The following FLNB variants were observed in gnomAD, a reference collection of about 807,000 sequenced individuals.
FLNB encodes the protein filamin-B.
A neutral mutation model predicts 250.6 loss-of-function variants in FLNB; 111 were observed. The observed-to-expected ratio is 0.44, with a 90% CI of 0.38 to 0.52. The LOEUF is 0.52. Ranked by LOEUF, FLNB falls within the 20% of genes least tolerant of loss-of-function variation. The pLI, the probability that FLNB is intolerant of heterozygous loss-of-function variation, is 0.00. For missense variants in FLNB, 2,869 were observed against 3,447.8 expected (o/e 0.83, Z 4.20); for synonymous variants, 1,302 against 1,372.1 (o/e 0.95, Z 1.13).
chr3:58,049,631 G>A (rs553071688), intron 1 of FLNB, among the ~76,000 whole-genome samples: 52 of 152,320 alleles, frequency 3.4e-4, no homozygotes, highest in African/African-American at 1.3e-3. Flanking sequence ...GGAGCCTCTT[G>A]CCTGTGTGCA....
intron 1 of FLNB, among the ~76,000 whole-genome samples, chr3:58,011,258 A>G (rs898958472): frequency 6.6e-5 from 10 of 151,942 alleles, no homozygotes; most frequent in African/African-American, 2.4e-4. Context: ...AGCTACTCCC[A>G]TTGTCCCGAC....
rs1350732375 is a variant in FLNB at position 58,169,512 on chromosome 3, G to T, written c.7418-78G>T. ...GGCTCTCCTGGGGTTACTGTGTAGG[G>T]TACTCGCCTGTCCTCTGGCTGAGAG... On this transcript the variant is annotated intron_variant, in intron 44 of 45. Coordinates refer to ENST00000295956, the MANE Select transcript of FLNB (RefSeq NM_001457.4). This position sits in a 1 kb window ranked among gnomAD's most constrained non-coding sequence, Gnocchi z 4.8. The T allele has an allele frequency of 7.8e-6, 9 of 1,156,668 alleles. No homozygotes were observed. Among genetic ancestry groups the T allele is most frequent in the East Asian group, 7.0e-5 (3 of 42,816 alleles). 71.7% of individuals were successfully genotyped at this position (1,156,668 alleles called of 1,614,324 possible). A position where few individuals can be genotyped will look rare whatever the true frequency, so the allele number is the denominator to read the frequency against.
intron 1 of FLNB, among the ~76,000 whole-genome samples, chr3:58,017,392 A>G (rs1300212804): frequency 6.6e-6 from 1 of 152,204 alleles, no homozygotes; most frequent in Non-Finnish European, 1.5e-5. Context: ...CTGGGATTAC[A>G]GGCATGCGCC....
At chr3:58,050,021 C>CTTTTTTTTTT (rs34910480) in intron 1 of FLNB, among the ~76,000 whole-genome samples, 2 of 130,480 alleles carry the variant, frequency 1.5e-5, no homozygotes, top group African/African-American at 2.8e-5. Context: ...TAGAAAATGC[C>CTTTTTTTTTT]TTTTTTTTTT....
chr3:58,143,503 C>A lies in FLNB; in HGVS notation c.5315C>A (p.Ala1772Asp). Residue 1772 changes from alanine to aspartate, a missense_variant, in exon 32 of 46, where the codon GCC becomes GAC. Ala to Asp is a moderately radical substitution (Grantham distance 126, BLOSUM62 -2). Transcript: ENST00000295956. ...GEVHMPSGKT[A>D]TPEIVDNKDG... ...GTCCACATGCCTTCTGGGAAGACAG[C>A]CACACCTGAGATTGTGGACAACAAG... The A allele has an allele frequency of 6.2e-7, 1 of 1,614,144 alleles. No individual in the cohort carries two copies. The highest frequency in any genetic ancestry group is 8.5e-7 in the Non-Finnish European group (1 of 1,180,024).
chr3:58,110,494 A>T (rs540474630), intron 16 of FLNB, among the ~76,000 whole-genome samples: 1 of 150,714 alleles, frequency 6.6e-6, no homozygotes, highest in South Asian at 2.1e-4. Flanking sequence ...CTTGTTGCCC[A>T]AGCTGGAGTG....
At chr3:58,085,183 A>G (rs946935922) in intron 4 of FLNB, among the ~76,000 whole-genome samples, 1 of 152,228 alleles carries the variant, frequency 6.6e-6, no homozygotes, top group Admixed American at 6.5e-5. Context: ...CAATTCTTTT[A>G]GGGATATACC....
intron 1 of FLNB, among the ~76,000 whole-genome samples, chr3:58,014,384 T>A (rs2106682772): frequency 6.6e-6 from 1 of 152,310 alleles, no homozygotes; most frequent in South Asian, 2.1e-4. Context: ...GCTCCAGGCG[T>A]CTGGTCATTC....
chr3:58,167,862 G>A (rs1001721957), intron 43 of FLNB, among the ~76,000 whole-genome samples: 2 of 152,262 alleles, frequency 1.3e-5, no homozygotes, highest in Non-Finnish European at 1.5e-5. Flanking sequence ...CGCATGCCCC[G>A]TCAGCGGGAG....
chr3:58,111,642 T>C lies in FLNB; in HGVS notation c.2485-149T>C. The stretch of plus-strand genomic sequence containing the variant: ...CCCAATGCTGGGCCCTTTTGGCTTA[T>C]CTTACCCTTCTGTTTACCTGTGGTA... On this transcript the variant is annotated intron_variant, in intron 16 of 45. Transcript: ENST00000295956. The C allele has an allele frequency of 5.9e-6, 4 of 674,874 alleles. No individual in the cohort carries two copies. In the South Asian group the frequency reaches 6.5e-5, roughly 11 times the overall value. The allele number at this position is 674,874 out of a possible 1,614,324, so 41.8% of individuals were successfully genotyped here. A position where few individuals can be genotyped will look rare whatever the true frequency, so the allele number is the denominator to read the frequency against.
At chr3:58,167,767 A>G (rs978741685) in intron 43 of FLNB, among the ~76,000 whole-genome samples, 2 of 152,246 alleles carry the variant, frequency 1.3e-5, no homozygotes, top group Non-Finnish European at 2.9e-5. Context: ...CCGCAGAGTC[A>G]TTTGTGAAGC....
chr3:58,034,732 G>A (rs750389916), intron 1 of FLNB, among the ~76,000 whole-genome samples: 24 of 152,322 alleles, frequency 1.6e-4, no homozygotes, highest in Non-Finnish European at 2.6e-4. Context: ...TCAAGGGGTA[G>A]GCAGGCAGTT....
At chr3:58,027,582 C>T (rs145856308) in intron 1 of FLNB, among the ~76,000 whole-genome samples, 83 of 152,230 alleles carry the variant, frequency 5.5e-4, no homozygotes, top group Admixed American at 9.8e-4. Context: ...GCGCCTGGCC[C>T]AGACCCTGGC....
chr3:58,170,364 C>T, intron 45 of FLNB: 1 of 595,576 alleles, frequency 1.7e-6, no homozygotes, highest in Non-Finnish European at 3.0e-6. Context: ...AGATTCCAGT[C>T]CAAGGTCACC....
At position 58,134,647 on chromosome 3, in the gene FLNB, G is replaced by T; in HGVS notation, c.4546G>T (p.Asp1516Tyr). The change falls in exon 27 of 46, where the codon GAT (aspartate) becomes TAT (tyrosine). Residue 1516 changes from aspartate to tyrosine, a missense_variant. This residue lies in a region of FLNB where 126 missense variants were observed against 182.0 expected (regional missense o/e 0.69). Transcript: ENST00000295956. ...PFKVKVLPTY[D>Y]ASKVTASGPG... ...CAAGGTCAAGGTCCTTCCCACATAT[G>T]ATGCCAGCAAAGTGACTGCCAGTGG... The T allele has an allele frequency of 6.2e-7, 1 of 1,614,114 alleles. No homozygotes were observed. Among genetic ancestry groups the T allele is most frequent in the East Asian group, 2.2e-5 (1 of 44,878 alleles).
chr3:58,158,951 C>A (rs975491453), intron 41 of FLNB, among the ~76,000 whole-genome samples: 1 of 151,788 alleles, frequency 6.6e-6, no homozygotes, highest in African/African-American at 2.4e-5. Context: ...CGAGATAGAT[C>A]GTTATTATGC....
intron 12 of FLNB, 94 bp downstream of exon 12, chr3:58,106,967 G>T: frequency 1.1e-6 from 1 of 892,788 alleles, no homozygotes; most frequent in Non-Finnish European, 1.8e-6. Flanking sequence ...GTTGAGAGAT[G>T]GCAGAGAGGA....
chr3:58,128,771 C>G (rs1256258934), intron 24 of FLNB, among the ~76,000 whole-genome samples: 2 of 152,126 alleles, frequency 1.3e-5, no homozygotes, highest in Admixed American at 1.3e-4. Context: ...AGAAAGGGGT[C>G]AGAGTTTGTC....
At chr3:58,074,663 T>G (rs1436960408) in intron 1 of FLNB, among the ~76,000 whole-genome samples, 1 of 152,226 alleles carries the variant, frequency 6.6e-6, no homozygotes, top group Non-Finnish European at 1.5e-5. Context: ...TAAACGTTAG[T>G]GATACATTTG....
Sources: allele counts gnomAD v4.1 joint callset (sites outside exome capture counted in the v4.1 genomes callset), GRCh38; gene constraint gnomAD v4.1.1; regional missense constraint gnomAD v4.1.1; non-coding constraint Gnocchi (gnomAD v3.1); transcripts MANE v1.5; gene names NCBI Gene and HGNC (gene_info 2026-07-23, HGNC 2026-07-21).